HMCN2: variants seen among roughly 807,000 people sequenced by gnomAD.
HMCN2 encodes the protein hemicentin 2.
HMCN2 carries 325 observed loss-of-function variants against 377.5 expected under a neutral mutation model. The ratio of observed to expected loss-of-function variants is 0.86; its 90% CI spans 0.79 to 0.94. The LOEUF (loss-of-function observed/expected upper bound fraction) is 0.94, where lower values mean the gene tolerates loss of function less well. Ranked by LOEUF, HMCN2 falls within the 40% of genes least tolerant of loss-of-function variation. The pLI, the probability that HMCN2 is intolerant of heterozygous loss-of-function variation, is 0.00. For missense variants in HMCN2, 4,543 were observed against 4,725.3 expected (o/e 0.96, Z 1.13); for synonymous variants, 2,007 against 2,046.8 (o/e 0.98, Z 0.53).
intron 1 of HMCN2, among the ~76,000 whole-genome samples, chr9:130,266,612 A>G (rs1834114180): frequency 1.3e-5 from 2 of 152,196 alleles, no homozygotes; most frequent in Non-Finnish European, 2.9e-5. Flanking sequence ...GCAGGCCTTG[A>G]GACGAAATGG....
In HMCN2 at chr9:130,414,328, G is replaced by C. The variant is rs1401692443; in HGVS notation, c.12961+3676G>C. On this transcript the variant is annotated intron_variant, in intron 85 of 97. Coordinates refer to ENST00000683500, the MANE Select transcript of HMCN2 (RefSeq NM_001291815.2). The surrounding 1 kb of genome is among the most constrained non-coding windows in gnomAD (Gnocchi z 4.4). ...ATCCACCCATGCTCAGCAGTAATGAGGCACCCCTCCCTGTTCCGGGCTGAC... is the reference window on the plus strand; with the variant it reads ...ATCCACCCATGCTCAGCAGTAATGACGCACCCCTCCCTGTTCCGGGCTGAC... Among the ~76,000 whole-genome samples, 1 of 152,222 alleles carries C rather than the reference G, an allele frequency of 6.6e-6. No homozygotes were observed. The highest frequency in any genetic ancestry group is 1.5e-5 in the Non-Finnish European group (1 of 68,050).
Position 130,365,692 on chromosome 9 carries a change from G to A in HMCN2, c.6470G>A (p.Gly2157Asp). 1 of 985,936 alleles carries A rather than the reference G, an allele frequency of 1.0e-6. No individual in the cohort carries two copies. Among genetic ancestry groups the A allele is most frequent in the Non-Finnish European group, 1.2e-6 (1 of 829,996 alleles). 61.1% of individuals were successfully genotyped at this position (985,936 alleles called of 1,614,324 possible). The change falls in exon 42 of 98, where the codon GGC (glycine) becomes GAC (aspartate). Residue 2157 changes from glycine to aspartate, a missense_variant. Gly to Asp is a moderately conservative substitution (Grantham distance 94). Transcript: ENST00000683500. ...HYTCEALNQA[G>D]HSEKHYNLNV... ...ACCTGTGAGGCACTGAACCAGGCCG[G>A]CCACTCAGAGAAACACTACAATCTG...
chr9:130,373,635 GGAT>G (rs1841183662), intron 48 of HMCN2, among the ~76,000 whole-genome samples: 1 of 141,632 alleles, frequency 7.1e-6, no homozygotes, highest in African/African-American at 2.5e-5. Context: ...ATGGATGGAT[GGAT>G]GAATGGATAG....
At chr9:130,432,978 C>G (rs1304666237) in intron 97 of HMCN2, 2 of 358,852 alleles carry the variant, frequency 5.6e-6, no homozygotes, top group African/African-American at 2.1e-5. Flanking sequence ...AGCAGATGCC[C>G]GCGGCAAGGC....
chr9:130,425,959 C>T, intron 90 of HMCN2, 35 bp downstream of exon 90: 1 of 1,486,634 alleles, frequency 6.7e-7, no homozygotes, highest in Non-Finnish European at 9.1e-7. Context: ...CCCCCACTGC[C>T]CCAGCTAAAA....
intron 93 of HMCN2, 121 bp from the exon 94 acceptor site, chr9:130,429,436 G>A: frequency 2.3e-6 from 3 of 1,279,452 alleles, no homozygotes; most frequent in Non-Finnish European, 2.2e-6. Flanking sequence ...GCAGCCTGGT[G>A]GCACTGAAAC....
chr9:130,385,011 G>T (rs1327035511), intron 59 of HMCN2, among the ~76,000 whole-genome samples: 1 of 152,208 alleles, frequency 6.6e-6, no homozygotes, highest in Non-Finnish European at 1.5e-5. Context: ...GTGTGGTGGG[G>T]GAAGCCTGTT....
intron 22 of HMCN2, among the ~76,000 whole-genome samples, chr9:130,330,375 G>A (rs1838365368): frequency 6.6e-6 from 1 of 152,174 alleles, no homozygotes; most frequent in Non-Finnish European, 1.5e-5. Context: ...CTTGTCCAGG[G>A]GTGGCCCTCT....
chr9:130,285,986 T>C (rs1218401042), intron 3 of HMCN2, among the ~76,000 whole-genome samples: 2 of 152,196 alleles, frequency 1.3e-5, no homozygotes, highest in African/African-American at 4.8e-5. Context: ...TGCTGAGCAT[T>C]TGTCCTGCAT....
intron 4 of HMCN2, among the ~76,000 whole-genome samples, chr9:130,290,354 T>C (rs1408038835): frequency 6.6e-6 from 1 of 152,172 alleles, no homozygotes; most frequent in African/African-American, 2.4e-5. Context: ...GTCCCAGCCC[T>C]CTCTGTGGTT....
At chr9:130,421,421 C>T (rs1844001707) in intron 86 of HMCN2, among the ~76,000 whole-genome samples, 1 of 152,146 alleles carries the variant, frequency 6.6e-6, no homozygotes, top group Non-Finnish European at 1.5e-5. Context: ...GTTTTCCCTC[C>T]TGAAAACCTG....
chr9:130,303,620 G>A lies in HMCN2; in HGVS notation c.1543+12G>A. On this transcript the variant is annotated intron_variant, in intron 10 of 97. Coordinates refer to ENST00000683500, the MANE Select transcript of HMCN2 (RefSeq NM_001291815.2). This position sits in a 1 kb window ranked among gnomAD's most constrained non-coding sequence, Gnocchi z 5.2. ...GATTGTTGTCACAGGTCTGTCCCTTGGGGCCCCTCCATGTACCCCTTCCTT... is the reference window on the plus strand; with the variant it reads ...GATTGTTGTCACAGGTCTGTCCCTTAGGGCCCCTCCATGTACCCCTTCCTT... 1 of 266,452 alleles carries A rather than the reference G, an allele frequency of 3.8e-6. No individual in the cohort carries two copies. The highest frequency in any genetic ancestry group is 8.4e-6 in the Non-Finnish European group (1 of 118,854). 16.5% of individuals were successfully genotyped at this position (266,452 alleles called of 1,614,324 possible).
At chr9:130,349,766 G>T in intron 29 of HMCN2, 103 bp downstream of exon 29, 1 of 1,145,216 alleles carries the variant, frequency 8.7e-7, no homozygotes, top group South Asian at 1.5e-5. Context: ...GAGCTGACAG[G>T]CATGGCATGT....
At chr9:130,399,738 C>A in intron 76 of HMCN2, 106 bp downstream of exon 76, 1 of 776,042 alleles carries the variant, frequency 1.3e-6, no homozygotes, top group Non-Finnish European at 1.8e-6. Context: ...TTTTCCTGTG[C>A]TGCACTGGAC....
At chr9:130,365,451 ACGTGCTTCTGGAAACTT>A (rs1383338420) in intron 41 of HMCN2, among the ~76,000 whole-genome samples, 163 bp from the exon 42 acceptor site, 1 of 152,246 alleles carries the variant, frequency 6.6e-6, no homozygotes, top group African/African-American at 2.4e-5. Flanking sequence ...CACCACAGGC[ACGTGCTTCTGGAAACTT>A]CCCGGTGCAG....
intron 61 of HMCN2, among the ~76,000 whole-genome samples, chr9:130,388,174 C>G (rs1842116459): frequency 6.6e-6 from 1 of 152,156 alleles, no homozygotes; most frequent in Non-Finnish European, 1.5e-5. Context: ...AGGTTAAGGA[C>G]TGTGGGTGAG....
intron 86 of HMCN2, among the ~76,000 whole-genome samples, chr9:130,421,521 G>T (rs1423529437): frequency 6.6e-6 from 1 of 152,186 alleles, no homozygotes; most frequent in African/African-American, 2.4e-5. Context: ...GTCTGAGAGA[G>T]CTGGCGGTGG....
intron 85 of HMCN2, 63 bp downstream of exon 85, chr9:130,410,715 T>C: frequency 1.4e-6 from 2 of 1,431,060 alleles, no homozygotes; most frequent in Non-Finnish European, 1.9e-6. Context: ...CGGTGGCGTG[T>C]GCAGCCTAGA....
At chr9:130,389,365 G>A (rs1046314445) in intron 62 of HMCN2, among the ~76,000 whole-genome samples, 6 of 151,982 alleles carry the variant, frequency 3.9e-5, no homozygotes, top group African/African-American at 1.2e-4. Flanking sequence ...AAGGACACCC[G>A]TATCCATTAG....
Sources: gnomAD v4.1 joint callset for allele counts (sites outside exome capture counted in the v4.1 genomes callset) on GRCh38, gnomAD v4.1.1 for gene constraint, Gnocchi (gnomAD v3.1) non-coding constraint, MANE v1.5 for transcripts, NCBI Gene and HGNC (gene_info 2026-07-23, HGNC 2026-07-21) for gene names.